Variants in PRKN observed in about 807,000 individuals in gnomAD.
The protein encoded by PRKN is parkin RBR E3 ubiquitin protein ligase.
PRKN carries 56 observed loss-of-function variants against 59.5 expected under a neutral mutation model. The observed-to-expected ratio is 0.94, with a 90% CI of 0.76 to 1.18. The LOEUF (loss-of-function observed/expected upper bound fraction) is 1.18, where lower values mean the gene tolerates loss of function less well. Among genes scored for constraint, PRKN ranks in the 50% most tolerant of loss-of-function variants. The probability of loss-of-function intolerance (pLI) is 0.00; values close to 1 mark genes in which losing one functional copy is unlikely to be tolerated. For synonymous variants in PRKN, 250 were observed against 222.1 expected (o/e 1.13, Z -1.12); for missense variants, 657 against 596.4 (o/e 1.10, Z -1.06).
chr6:162,590,796 G>T (rs563058353), intron 1 of PRKN, among the ~76,000 whole-genome samples: 1 of 152,042 alleles, frequency 6.6e-6, no homozygotes, highest in Non-Finnish European at 1.5e-5. Context: ...ACAAAACACC[G>T]CCATGACCCG....
intron 6 of PRKN, among the ~76,000 whole-genome samples, chr6:161,943,334 A>T (rs1166112750): frequency 6.6e-6 from 1 of 152,152 alleles, no homozygotes; most frequent in Non-Finnish European, 1.5e-5. Flanking sequence ...CTATCAATAC[A>T]CTCTGTGCCA....
intron 1 of PRKN, among the ~76,000 whole-genome samples, chr6:162,679,578 A>G (rs1779691883): frequency 6.6e-6 from 1 of 152,166 alleles, no homozygotes; most frequent in Non-Finnish European, 1.5e-5. Context: ...TGTTTGAAAA[A>G]GGACATTTTT....
intron 1 of PRKN, among the ~76,000 whole-genome samples, chr6:162,676,332 T>C (rs1779540742): frequency 6.6e-6 from 1 of 150,770 alleles, no homozygotes; most frequent in Non-Finnish European, 1.5e-5. Flanking sequence ...TGAGTTTCCA[T>C]ACCCAATTTA....
Position 161,416,103 on chromosome 6 carries a change from C to T in PRKN, c.1084-29226G>A, listed in dbSNP as rs80135482. 1.4e-3 allele frequency among the ~76,000 whole-genome samples: 207 copies of T among 152,280 alleles called. 1 individual carries two copies. The East Asian group carries it at 0.025, about 18-fold the overall frequency. ...GGACTCCCCCGCTTTGCTTCCACGGCGCCTATGGAAATGCTCTGACACAGA... is the reference window on the plus strand; with the variant it reads ...GGACTCCCCCGCTTTGCTTCCACGGTGCCTATGGAAATGCTCTGACACAGA... On this transcript the variant is annotated intron_variant, in intron 9 of 11. Transcript: ENST00000366898.
chr6:162,293,105 G>C (rs1583326492), intron 2 of PRKN, among the ~76,000 whole-genome samples: 1 of 152,178 alleles, frequency 6.6e-6, no homozygotes, highest in East Asian at 1.9e-4. Context: ...ATATTAACAA[G>C]CTTCAACATC....
chr6:162,168,471 C>G (rs771411592), intron 4 of PRKN, among the ~76,000 whole-genome samples: 1 of 135,224 alleles, frequency 7.4e-6, no homozygotes, highest in African/African-American at 2.8e-5. Flanking sequence ...ATGCATGGAA[C>G]TTGTCTATGG....
intron 7 of PRKN, among the ~76,000 whole-genome samples, chr6:161,780,828 A>G (rs890354853): frequency 6.6e-6 from 1 of 152,232 alleles, no homozygotes. Flanking sequence ...GTCTCTGTTG[A>G]GCAAATATTA....
chr6:161,645,975 C>G (rs12196810), intron 7 of PRKN, among the ~76,000 whole-genome samples: 16,481 of 68,518 alleles, frequency 0.24, 1,428 homozygotes, highest in Middle Eastern at 0.34. Flanking sequence ...TGACAGTGGT[C>G]ACTGCGTGTG....
chr6:162,473,507 T>C (rs1302831535), intron 1 of PRKN, among the ~76,000 whole-genome samples: 7 of 152,278 alleles, frequency 4.6e-5, no homozygotes, highest in African/African-American at 1.4e-4. Context: ...AAGCCACCGA[T>C]GTGGGCCACA....
In PRKN at chr6:161,819,152, T is replaced by C. The variant is rs943221145; in HGVS notation, c.735-33244A>G. Among the ~76,000 whole-genome samples, 11 of 152,056 alleles carry C rather than the reference T, an allele frequency of 7.2e-5. No homozygotes were observed. In the East Asian group the frequency reaches 1.9e-3, roughly 27 times the overall value. Reference sequence around the variant, plus strand: ...AGTCCTTGACTGTCCTCTCATATCATAAAAAATAAAGGGGATACATAGGTA... The same window carrying C: ...AGTCCTTGACTGTCCTCTCATATCACAAAAAATAAAGGGGATACATAGGTA... On this transcript the variant is annotated intron_variant, in intron 6 of 11. Coordinates refer to ENST00000366898, the MANE Select transcript of PRKN (RefSeq NM_004562.3).
chr6:161,625,768 GT>G (rs1240326176), intron 7 of PRKN, among the ~76,000 whole-genome samples: 5 of 152,088 alleles, frequency 3.3e-5, no homozygotes, highest in African/African-American at 1.2e-4. Flanking sequence ...GCACACAAGT[GT>G]AAAATTTAAA....
chr6:162,108,063 G>C lies in PRKN; in HGVS notation c.535-53889C>G, dbSNP rs377625432. Among the ~76,000 whole-genome samples the C allele has an allele frequency of 4.6e-5, 7 of 152,128 alleles. No homozygotes were observed. In the East Asian group the frequency reaches 1.3e-3, roughly 29 times the overall value. The stretch of plus-strand genomic sequence containing the variant: ...ATTTTTATCTGTTCATTCAAGAAAG[G>C]ATATGTCAAATGCCTTTGCTTGGGA... On this transcript the variant is annotated intron_variant, in intron 4 of 11. Coordinates refer to ENST00000366898, the MANE Select transcript of PRKN (RefSeq NM_004562.3).
chr6:161,735,152 A>G (rs1787912283), intron 7 of PRKN, among the ~76,000 whole-genome samples: 1 of 152,000 alleles, frequency 6.6e-6, no homozygotes, highest in African/African-American at 2.4e-5. Flanking sequence ...GTTTGAGACC[A>G]GTCTGGCCAA....
At chr6:162,467,384 A>G (rs1214962153) in intron 1 of PRKN, among the ~76,000 whole-genome samples, 1 of 152,024 alleles carries the variant, frequency 6.6e-6, no homozygotes, top group Non-Finnish European at 1.5e-5. Flanking sequence ...GCTCTCCTAA[A>G]TTACTTAACA....
At chr6:161,847,987 G>A (rs1204200310) in intron 6 of PRKN, among the ~76,000 whole-genome samples, 3 of 152,142 alleles carry the variant, frequency 2.0e-5, no homozygotes, top group East Asian at 1.9e-4. Context: ...CAGTGACCTC[G>A]CTGTTAGAGC....
At chr6:161,799,857 T>G (rs569218960) in intron 6 of PRKN, among the ~76,000 whole-genome samples, 2 of 152,016 alleles carry the variant, frequency 1.3e-5, no homozygotes, top group East Asian at 1.9e-4. Context: ...CGTAAGAGGG[T>G]TTGCAGGGAA....
At chr6:161,953,046 C>T (rs1408774498) in intron 6 of PRKN, among the ~76,000 whole-genome samples, 2 of 152,198 alleles carry the variant, frequency 1.3e-5, no homozygotes, top group East Asian at 3.9e-4. Flanking sequence ...TATGGAAAGA[C>T]ACTCTAAACA....
rs67519540 is a variant in PRKN at position 162,571,323 on chromosome 6, CA to C, written c.8-127851del. On this transcript the variant is annotated intron_variant, in intron 1 of 11. Coordinates refer to ENST00000366898, the MANE Select transcript of PRKN (RefSeq NM_004562.3). ...CTGGGCAACAGAGAAAAACTCATTTCAAAAAAAAAAAAAAAAGCAAAACAAA... is the reference window on the plus strand; with the variant it reads ...CTGGGCAACAGAGAAAAACTCATTTCAAAAAAAAAAAAAAAGCAAAACAAA... 166 of 118,934 alleles carry C rather than the reference CA, an allele frequency of 1.4e-3. 1 individual carries two copies. The highest frequency in any genetic ancestry group is 0.011 in the Middle Eastern group (3 of 262). 7.4% of individuals were successfully genotyped at this position (118,934 alleles called of 1,614,324 possible).
chr6:161,490,325 CTTGCTTGCTTGCTT>C (rs1232314431), intron 9 of PRKN, among the ~76,000 whole-genome samples: 2 of 145,674 alleles, frequency 1.4e-5, no homozygotes, highest in Non-Finnish European at 3.0e-5. Context: ...TGCTTGCTTG[CTTGCTTGCTTGCTT>C]TCTCTCTCTC....
Sources: allele counts gnomAD v4.1 joint callset (sites outside exome capture counted in the v4.1 genomes callset), GRCh38; gene constraint gnomAD v4.1.1; transcripts MANE v1.5; gene names NCBI Gene and HGNC (gene_info 2026-07-23, HGNC 2026-07-21).